The following RMND5B variants were observed in gnomAD, a reference collection of about 807,000 sequenced individuals.
The protein encoded by RMND5B is required for meiotic nuclear division 5 homolog B.
A neutral mutation model predicts 50.4 loss-of-function variants in RMND5B; 42 were observed. That is an observed-to-expected ratio of 0.83 (90% CI 0.65 to 1.08). RMND5B has a LOEUF of 1.08. Among genes scored for constraint, RMND5B ranks in the 50% least tolerant of loss-of-function variants. RMND5B has a pLI of 0.00. For synonymous variants in RMND5B, 220 were observed against 210.0 expected, an observed-to-expected ratio of 1.05 and a Z score of -0.41; for missense variants, 463 against 508.5, an observed-to-expected ratio of 0.91 and a Z score of 0.86.
chr5:178,142,654 AC>A lies in RMND5B; in HGVS notation c.212del (p.Thr71ArgfsTer76). 6.2e-7 allele frequency: 1 copy of A among 1,614,250 alleles called. No homozygotes were observed. The highest frequency in any genetic ancestry group is 8.5e-7 in the Non-Finnish European group (1 of 1,180,052). The part of the protein sequence containing the change: ...MSQCCRKIKD[T>X]VQKLASDHKD... ...ACAGTGCTGCCGGAAGATCAAAGATACGGTGCAGAAACTGGCTTCGGACCAT... is the reference window on the plus strand; with the variant it reads ...ACAGTGCTGCCGGAAGATCAAAGATAGGTGCAGAAACTGGCTTCGGACCAT... On this transcript the variant is annotated frameshift_variant, in exon 4 of 11. Transcript: ENST00000313386. LOFTEE classifies it high-confidence loss of function.
In RMND5B at chr5:178,131,324, T is replaced by G. The variant is rs1457886040; in HGVS notation, c.-65T>G. 3 of 152,182 alleles carry G rather than the reference T, an allele frequency of 2.0e-5. No homozygotes were observed. The allele number at this position is 152,182 out of a possible 1,614,324, so 9.4% of individuals were successfully genotyped here. ...AGCCGCCTCAGCCGGGGGGAGTTGC[T>G]CGGACTCAAACGTCCAGTCCTCGTG... On this transcript the variant is annotated 5_prime_UTR_variant, in exon 2 of 11. Transcript: ENST00000313386.
At chr5:178,142,320 C>A (rs544370534) in intron 3 of RMND5B, 1 of 460,188 alleles carries the variant, frequency 2.2e-6, no homozygotes, top group Admixed American at 4.0e-5. Context: ...AGTGCCAGAT[C>A]ATCTTCATTT....
Position 178,138,096 on chromosome 5 carries a change from G to T in RMND5B, c.-12-12G>T. Reference sequence around the variant, plus strand: ...GGCCCAGATGGGGCCTGACCCAGCTGACCCTCCCCAGGCTGAGGCCACCAT... The same window carrying T: ...GGCCCAGATGGGGCCTGACCCAGCTTACCCTCCCCAGGCTGAGGCCACCAT... On this transcript the variant is annotated splice_polypyrimidine_tract_variant and intron_variant, in intron 2 of 10. Transcript: ENST00000313386. This position sits in a 1 kb window ranked among gnomAD's most constrained non-coding sequence, Gnocchi z 5.1. 1.3e-6 allele frequency: 2 copies of T among 1,568,034 alleles called. No individual in the cohort carries two copies. Among genetic ancestry groups the T allele is most frequent in the South Asian group, 2.3e-5 (2 of 85,436 alleles).
At chr5:178,144,234 A>G (rs994879700) in intron 7 of RMND5B, 126 bp downstream of exon 7, 39 of 976,752 alleles carry the variant, frequency 4.0e-5, no homozygotes, top group Middle Eastern at 6.2e-4. Flanking sequence ...CCTCTCCCCA[A>G]CTAGAAACTT....
chr5:178,146,205 A>C lies in RMND5B; in HGVS notation c.786A>C (p.Ala262=). 1 of 1,614,162 alleles carries C rather than the reference A, an allele frequency of 6.2e-7. No individual in the cohort carries two copies. The highest frequency in any genetic ancestry group is 1.1e-5 in the South Asian group (1 of 91,086). The change falls in exon 8 of 11, where the codon GCA becomes GCC. Residue 262 remains alanine, a synonymous_variant. Transcript: ENST00000313386. Reference sequence around the variant, plus strand: ...ACCTGCTGGACAGCAGCCACTGGGCAGAGATCTGTGAGACCTTTACCCGGG... The same window carrying C: ...ACCTGCTGGACAGCAGCCACTGGGCCGAGATCTGTGAGACCTTTACCCGGG... The part of the protein sequence containing the change: ...YCHLLDSSHW[A]EICETFTRDA...
At position 178,142,725 on chromosome 5, in the gene RMND5B, CAG is replaced by C. The variant is rs776244882; in HGVS notation, c.283_284del (p.Arg95GlufsTer5). On this transcript the variant is annotated frameshift_variant and splice_region_variant, in exon 4 of 11. Transcript: ENST00000313386. LOFTEE classifies it high-confidence loss of function. The part of the protein sequence containing the change: ...SVSRVGKAID[R>X]NFDSEICGVV... ...TATCCCGAGTGGGCAAAGCCATTGA[CAG>C]GGTGAGCACGTGGCCGGCTCCAGGC... 26 of 1,614,112 alleles carry C rather than the reference CAG, an allele frequency of 1.6e-5. No individual in the cohort carries two copies. Among genetic ancestry groups the C allele is most frequent in the Non-Finnish European group, 1.7e-5 (20 of 1,180,052 alleles).
At chr5:178,144,487 C>T (rs988071153) in intron 7 of RMND5B, among the ~76,000 whole-genome samples, 2 of 151,874 alleles carry the variant, frequency 1.3e-5, no homozygotes, top group African/African-American at 4.8e-5. Flanking sequence ...TGGCTCACGC[C>T]TGTAATCCCA....
At chr5:178,147,668 G>C in intron 9 of RMND5B, 33 bp downstream of exon 9, 1 of 1,614,078 alleles carries the variant, frequency 6.2e-7, no homozygotes, top group African/African-American at 1.3e-5. Flanking sequence ...GTGGGCAAGA[G>C]GTACTGGGGA....
chr5:178,147,465 G>T, intron 8 of RMND5B, 68 bp from the exon 9 acceptor site: 1 of 1,255,808 alleles, frequency 8.0e-7, no homozygotes, highest in Non-Finnish European at 1.1e-6. Context: ...GCTGAAGCAT[G>T]GCGCGCTGGC....
chr5:178,146,058 G>C, intron 7 of RMND5B, 56 bp from the exon 8 acceptor site: 3 of 1,577,374 alleles, frequency 1.9e-6, no homozygotes, highest in African/African-American at 1.3e-5. Context: ...CTGCCCGCTT[G>C]GGGGTGGACC....
In RMND5B at chr5:178,150,042, C is replaced by T; in HGVS notation, c.*2010C>T. 1 of 509,676 alleles carries T rather than the reference C, an allele frequency of 2.0e-6. No homozygotes were observed. 31.6% of individuals were successfully genotyped at this position (509,676 alleles called of 1,614,324 possible). A position where few individuals can be genotyped will look rare whatever the true frequency, so the allele number is the denominator to read the frequency against. The stretch of plus-strand genomic sequence containing the variant: ...GCATGGTCCAGCCACACAGGGCCTA[C>T]ATTCCCACATGGCAACTATGAAAGG... On this transcript the variant is annotated 3_prime_UTR_variant, in exon 11 of 11. Coordinates refer to ENST00000313386, the MANE Select transcript of RMND5B (RefSeq NM_022762.5).
chr5:178,141,050 T>C (rs1758908870), intron 3 of RMND5B, among the ~76,000 whole-genome samples: 1 of 152,236 alleles, frequency 6.6e-6, no homozygotes, highest in Non-Finnish European at 1.5e-5. Context: ...CCTTTCATTA[T>C]TATCACTTCA....
At position 178,149,317 on chromosome 5, in the gene RMND5B, C is replaced by T. The variant is rs995394142; in HGVS notation, c.*1285C>T. ...AGTTCTCAGCTTGAGCCAAAGCACC[C>T]GGCCCTGGGCAGCTGAGCATCAGCA... On this transcript the variant is annotated 3_prime_UTR_variant, in exon 11 of 11. Transcript: ENST00000313386. 6.2e-5 allele frequency: 12 copies of T among 193,754 alleles called. No homozygotes were observed. Among genetic ancestry groups the T allele is most frequent in the African/African-American group, 1.2e-4 (5 of 42,280 alleles). The allele number at this position is 193,754 out of a possible 1,614,324, so 12.0% of individuals were successfully genotyped here.
In RMND5B at chr5:178,147,857, A is replaced by G; in HGVS notation, c.1092A>G (p.Ala364=). 2 of 1,613,948 alleles carry G rather than the reference A, an allele frequency of 1.2e-6. No homozygotes were observed. The highest frequency in any genetic ancestry group is 1.7e-6 in the Non-Finnish European group (2 of 1,179,982). Residue 364 remains alanine, a synonymous_variant, in exon 10 of 11, where the codon GCA becomes GCG. Coordinates refer to ENST00000313386, the MANE Select transcript of RMND5B (RefSeq NM_022762.5). ...GTGGCCATGTTATCTCCCGAGATGCACTCAATAAGCTCATTAATGGAGGAA... is the reference window on the plus strand; with the variant it reads ...GTGGCCATGTTATCTCCCGAGATGCGCTCAATAAGCTCATTAATGGAGGAA... ...LICGHVISRD[A]LNKLINGGKL... is the part of the protein sequence containing the mutation.
At position 178,140,568 on chromosome 5, in the gene RMND5B, G is replaced by A. The variant is rs150502577; in HGVS notation, c.140-2015G>A. On this transcript the variant is annotated intron_variant, in intron 3 of 10. Transcript: ENST00000313386. ...CTTTGTAATCACTAAGTAGTTTGTGGGCTGTAATCCTAGCACTTTGGGAGG... is the reference window on the plus strand; with the variant it reads ...CTTTGTAATCACTAAGTAGTTTGTGAGCTGTAATCCTAGCACTTTGGGAGG... 1.2e-4 allele frequency among the ~76,000 whole-genome samples: 19 copies of A among 152,046 alleles called. No homozygotes were observed. In the East Asian group the frequency reaches 3.7e-3, roughly 29 times the overall value.
At position 178,142,902 on chromosome 5, in the gene RMND5B, G is replaced by A. The variant is rs571630676; in HGVS notation, c.336G>A (p.Ala112=). 58 of 1,614,230 alleles carry A rather than the reference G, an allele frequency of 3.6e-5. 1 individual carries two copies. Among genetic ancestry groups the A allele is most frequent in the African/African-American group, 9.3e-5 (7 of 75,060 alleles). Residue 112 remains alanine, a synonymous_variant, in exon 5 of 11, where the codon GCG becomes GCA. Coordinates refer to ENST00000313386, the MANE Select transcript of RMND5B (RefSeq NM_022762.5). ...CGVVSDAVWD[A]REQQQQILQM... Reference sequence around the variant, plus strand: ...TTGTGTCAGATGCGGTGTGGGACGCGCGGGAACAGCAGCAGCAGATCCTGC... The same window carrying A: ...TTGTGTCAGATGCGGTGTGGGACGCACGGGAACAGCAGCAGCAGATCCTGC...
chr5:178,144,044 G>A lies in RMND5B; in HGVS notation c.630G>A (p.Ala210=), dbSNP rs151177853. The A allele has an allele frequency of 2.3e-4, 366 of 1,614,116 alleles. No individual in the cohort carries two copies. Among genetic ancestry groups the A allele is most frequent in the Non-Finnish European group, 2.9e-4 (348 of 1,180,054 alleles). ...TCCGCCTCTTGGCAGGAGGCCCCGCGAAGCAGCTGGAGGCCCTCAGCTATG... is the reference window on the plus strand; with the variant it reads ...TCCGCCTCTTGGCAGGAGGCCCCGCAAAGCAGCTGGAGGCCCTCAGCTATG... ...HFIRLLAGGP[A]KQLEALSYAR... The change falls in exon 7 of 11, where the codon GCG becomes GCA. Residue 210 remains alanine (A), a synonymous_variant. Transcript: ENST00000313386.
chr5:178,136,437 G>A (rs981538173), intron 2 of RMND5B, among the ~76,000 whole-genome samples: 3 of 152,258 alleles, frequency 2.0e-5, no homozygotes, highest in East Asian at 1.9e-4. Context: ...GATGGTGGGG[G>A]GTGGGTGGCA....
chr5:178,131,995 G>A (rs576378306), intron 2 of RMND5B, among the ~76,000 whole-genome samples: 1 of 152,294 alleles, frequency 6.6e-6, no homozygotes, highest in East Asian at 1.9e-4. Context: ...AGGGTAGAGA[G>A]TGGATGGAGG....
Sources: allele counts gnomAD v4.1 joint callset (sites outside exome capture counted in the v4.1 genomes callset), GRCh38; gene constraint gnomAD v4.1.1; non-coding constraint Gnocchi (gnomAD v3.1); transcripts MANE v1.5; gene names NCBI Gene and HGNC (gene_info 2026-07-23, HGNC 2026-07-21).